The following ATP2B4 variants were observed in gnomAD, a reference collection of about 807,000 sequenced individuals.
ATP2B4 encodes the protein ATPase plasma membrane Ca2+ transporting 4.
A neutral mutation model predicts 110.3 loss-of-function variants in ATP2B4; 39 were observed. That is an observed-to-expected ratio of 0.35 (90% CI 0.27 to 0.46). The LOEUF is 0.46. Among genes scored for constraint, ATP2B4 ranks in the 20% least tolerant of loss-of-function variants. The pLI is 1.00. For missense variants in ATP2B4, 1,135 were observed against 1,530.9 expected (o/e 0.74, Z 4.32); for synonymous variants, 538 against 571.7 (o/e 0.94, Z 0.84).
intron 2 of ATP2B4, among the ~76,000 whole-genome samples, chr1:203,687,656 AT>A (rs938229629): frequency 1.3e-5 from 2 of 151,950 alleles, no homozygotes; most frequent in African/African-American, 2.4e-5. Flanking sequence ...GATTGACAGA[AT>A]TTTTTTTTAA....
chr1:203,727,378 G>T lies in ATP2B4; in HGVS notation c.3133-17G>T, dbSNP rs375719558. On this transcript the variant is annotated splice_polypyrimidine_tract_variant and intron_variant, in intron 19 of 20. Transcript: ENST00000357681. ...CGCTGATTCTGACGTCTTCCTCTTC[G>T]CTGCGCTTGTTTTCAGTTCATCTCC... is the stretch of plus-strand genomic sequence containing the variant. 6.8e-6 allele frequency: 11 copies of T among 1,613,046 alleles called. No homozygotes were observed. In the African/African-American group the frequency reaches 1.5e-4, roughly 22 times the overall value.
chr1:203,633,415 A>G (rs1470137410), intron 1 of ATP2B4, among the ~76,000 whole-genome samples: 2 of 152,154 alleles, frequency 1.3e-5, no homozygotes, highest in African/African-American at 2.4e-5. Context: ...AGCTCTGATC[A>G]TGACACTGCA....
intron 1 of ATP2B4, among the ~76,000 whole-genome samples, chr1:203,645,590 C>CTTTTT (rs751707749): frequency 1.4e-5 from 2 of 138,534 alleles, no homozygotes; most frequent in Non-Finnish European, 3.1e-5. Flanking sequence ...CCTTTTCTTT[C>CTTTTT]TTTTTTTTTT....
chr1:203,709,238 C>A, intron 10 of ATP2B4, 63 bp from the exon 11 acceptor site: 1 of 1,596,788 alleles, frequency 6.3e-7, no homozygotes. Context: ...GTTCTTTCTC[C>A]CTAAGTTCTC....
In ATP2B4 at chr1:203,712,256, G is replaced by A. The variant is rs573965539; in HGVS notation, c.2211+117G>A. On this transcript the variant is annotated intron_variant, in intron 13 of 20. Transcript: ENST00000357681. ...GTGGTTTCTAAAGTGAAAGCTATTC[G>A]TAGTGAAACATCTCCTTGTACCAAA... The A allele has an allele frequency of 3.2e-4, 392 of 1,207,860 alleles. 4 individuals are homozygous for A. The South Asian group carries it at 5.4e-3, about 17-fold the overall frequency. 74.8% of individuals were successfully genotyped at this position (1,207,860 alleles called of 1,614,324 possible).
chr1:203,665,085 C>G (rs1482540241), intron 1 of ATP2B4, among the ~76,000 whole-genome samples: 1 of 152,144 alleles, frequency 6.6e-6, no homozygotes, highest in African/African-American at 2.4e-5. Context: ...TCCCAAAGTG[C>G]TGGGATTACA....
Position 203,683,000 on chromosome 1 carries a change from C to T in ATP2B4, c.-206C>T. The stretch of plus-strand genomic sequence containing the variant: ...CCCCATCCTCTTCCTCCTCTCGCTG[C>T]CAGACTTCATACGGAAGAAAGGATC... On this transcript the variant is annotated 5_prime_UTR_variant, in exon 2 of 21. Transcript: ENST00000357681. 1 of 512,714 alleles carries T rather than the reference C, an allele frequency of 2.0e-6. No individual in the cohort carries two copies. The highest frequency in any genetic ancestry group is 3.4e-6 in the Non-Finnish European group (1 of 292,132). 31.8% of individuals were successfully genotyped at this position (512,714 alleles called of 1,614,324 possible).
intron 15 of ATP2B4, among the ~76,000 whole-genome samples, chr1:203,720,259 G>T (rs559754977): frequency 1.9e-4 from 29 of 152,278 alleles, no homozygotes; most frequent in African/African-American, 6.5e-4. Flanking sequence ...GACAGGATTT[G>T]CTCTCTACCT....
intron 20 of ATP2B4, among the ~76,000 whole-genome samples, chr1:203,732,006 G>A (rs897107847): frequency 5.9e-5 from 9 of 151,538 alleles, no homozygotes; most frequent in Middle Eastern, 6.9e-3. Context: ...GTGAAACCCT[G>A]TCACTACTTA....
chr1:203,727,812 C>G (rs1435725295), intron 20 of ATP2B4: 2 of 496,784 alleles, frequency 4.0e-6, no homozygotes, highest in Non-Finnish European at 7.2e-6. Context: ...TCCTTTAGCT[C>G]TGGGTTGACC....
At chr1:203,734,759 C>T (rs1666834684) in intron 20 of ATP2B4, among the ~76,000 whole-genome samples, 1 of 149,528 alleles carries the variant, frequency 6.7e-6, no homozygotes, top group South Asian at 2.1e-4. Flanking sequence ...AATCCCAGCA[C>T]TCTGGGAGGC....
rs760260786 is a variant in ATP2B4 at position 203,713,173 on chromosome 1, A to G, written c.2220A>G (p.Gln740=). The G allele has an allele frequency of 5.6e-6, 9 of 1,614,180 alleles. No homozygotes were observed. Among genetic ancestry groups the G allele is most frequent in the Non-Finnish European group, 7.6e-6 (9 of 1,180,012 alleles). Residue 740 remains glutamine (Q), a synonymous_variant, in exon 14 of 21, where the codon CAA becomes CAG. Coordinates refer to ENST00000357681, the MANE Select transcript of ATP2B4 (RefSeq NM_001684.5). ...LIRNEKGEVE[Q]EKLDKIWPKL... ...TGGTCTGGTGTTGGCAGGTAGAGCAAGAAAAGCTGGACAAGATCTGGCCTA... is the reference window on the plus strand; with the variant it reads ...TGGTCTGGTGTTGGCAGGTAGAGCAGGAAAAGCTGGACAAGATCTGGCCTA...
chr1:203,700,257 T>A lies in ATP2B4; in HGVS notation c.701T>A (p.Ile234Asn). ...GILIQGNDLK[I>N]DESSLTGESD... ...CTGATCCAAGGGAATGATCTGAAGA[T>A]TGATGAGAGCTCTCTGACAGGGGAA... Residue 234 changes from isoleucine to asparagine, a missense_variant, in exon 5 of 21, where the codon ATT (isoleucine) becomes AAT (asparagine). By Grantham distance (149) the Ile-to-Asn change is moderately radical. Coordinates refer to ENST00000357681, the MANE Select transcript of ATP2B4 (RefSeq NM_001684.5). 1 of 1,614,012 alleles carries A rather than the reference T, an allele frequency of 6.2e-7. No homozygotes were observed. The highest frequency in any genetic ancestry group is 8.5e-7 in the Non-Finnish European group (1 of 1,179,924).
At chr1:203,729,162 C>T (rs4550122) in intron 20 of ATP2B4, among the ~76,000 whole-genome samples, 1 of 151,950 alleles carries the variant, frequency 6.6e-6, no homozygotes, top group Non-Finnish European at 1.5e-5. Context: ...AATCCCACCT[C>T]GTTAGTGTAT....
intron 2 of ATP2B4, among the ~76,000 whole-genome samples, chr1:203,686,756 C>A (rs770785956): frequency 8.1e-6 from 1 of 123,214 alleles, no homozygotes; most frequent in African/African-American, 3.0e-5. Flanking sequence ...TGTAATGGCG[C>A]GATATTGGCT....
chr1:203,644,996 G>A (rs1177680304), intron 1 of ATP2B4, among the ~76,000 whole-genome samples: 2 of 152,260 alleles, frequency 1.3e-5, no homozygotes, highest in East Asian at 1.9e-4. Context: ...TTACTTCTTT[G>A]TGGTGTCCAA....
rs1333844026 is a variant in ATP2B4 at position 203,731,693 on chromosome 1, T to TA, written c.3309+4129dup. On this transcript the variant is annotated intron_variant, in intron 20 of 20. Coordinates refer to ENST00000357681, the MANE Select transcript of ATP2B4 (RefSeq NM_001684.5). ...GGTGAAACTCTGTCTCTACTAAAAA[T>TA]AAAAAAATTAGCTGGGCATGGTGGC... 4.6e-5 allele frequency among the ~76,000 whole-genome samples: 7 copies of TA among 150,874 alleles called. 1 individual carries two copies. The South Asian group carries it at 1.3e-3, about 27-fold the overall frequency.
At chr1:203,729,923 G>A (rs1365334848) in intron 20 of ATP2B4, among the ~76,000 whole-genome samples, 1 of 152,174 alleles carries the variant, frequency 6.6e-6, no homozygotes, top group East Asian at 1.9e-4. Flanking sequence ...CATGGTCTAG[G>A]TGGTGCTTGG....
chr1:203,633,385 A>G (rs1663335282), intron 1 of ATP2B4, among the ~76,000 whole-genome samples: 1 of 152,182 alleles, frequency 6.6e-6, no homozygotes. Context: ...GCTGGAGCCC[A>G]GGCGTTTGAG....
Sources: allele counts gnomAD v4.1 joint callset (sites outside exome capture counted in the v4.1 genomes callset), GRCh38; gene constraint gnomAD v4.1.1; transcripts MANE v1.5; gene names NCBI Gene and HGNC (gene_info 2026-07-23, HGNC 2026-07-21).